The following LRRC36 variants were observed in gnomAD, a reference collection of about 807,000 sequenced individuals.
The protein encoded by LRRC36 is leucine rich repeat containing 36.
Under a neutral mutation model 81.1 loss-of-function variants are expected in LRRC36, and 62 were observed. The ratio of observed to expected loss-of-function variants is 0.76; its 90% CI spans 0.62 to 0.94. The LOEUF is 0.94. LRRC36 is among the 40% of genes least tolerant of loss of function. The pLI is 0.00. For missense variants in LRRC36, 761 were observed against 881.7 expected, an observed-to-expected ratio of 0.86 and a Z score of 1.73; for synonymous variants, 334 against 348.6, an observed-to-expected ratio of 0.96 and a Z score of 0.47.
At chr16:67,341,926 C>T (rs200822515) in intron 1 of LRRC36, 31 bp from the exon 2 acceptor site, 2 of 1,586,208 alleles carry the variant, frequency 1.3e-6, no homozygotes, top group Non-Finnish European at 1.7e-6. Flanking sequence ...GAGCAGGGAT[C>T]ATAATATATC....
chr16:67,363,742 G>A, intron 6 of LRRC36, 28 bp downstream of exon 6: 1 of 1,608,898 alleles, frequency 6.2e-7, no homozygotes, highest in Non-Finnish European at 8.5e-7. Flanking sequence ...CTGCTGATCT[G>A]TTGACTAGTC....
intron 9 of LRRC36, chr16:67,371,630 G>C (rs2039646084): frequency 3.6e-6 from 1 of 278,880 alleles, no homozygotes; most frequent in Admixed American, 4.5e-5. Flanking sequence ...CCAGCACTTT[G>C]GGAGGCTGAG....
intron 1 of LRRC36, among the ~76,000 whole-genome samples, chr16:67,338,042 C>T (rs1034414476): frequency 6.6e-6 from 1 of 151,656 alleles, no homozygotes; most frequent in Non-Finnish European, 1.5e-5. Flanking sequence ...TGAGATGGCA[C>T]CATTGCAGTC....
chr16:67,354,713 CAGA>C (rs1316389802), intron 5 of LRRC36, among the ~76,000 whole-genome samples: 1 of 152,168 alleles, frequency 6.6e-6, no homozygotes, highest in Non-Finnish European at 1.5e-5. Context: ...CATCCTGCCC[CAGA>C]GTGGTACATT....
chr16:67,361,164 A>G (rs1042560292), intron 5 of LRRC36, among the ~76,000 whole-genome samples: 1 of 151,996 alleles, frequency 6.6e-6, no homozygotes, highest in Non-Finnish European at 1.5e-5. Context: ...CAGCCTCCCA[A>G]ATAGCTGGGA....
Position 67,347,538 on chromosome 16 carries a change from G to A in LRRC36, c.435G>A (p.Leu145=). Residue 145 remains leucine (L), a synonymous_variant, in exon 4 of 14, where the codon CTG becomes CTA. Transcript: ENST00000329956. ...AAGGTGAGAGAAAAGCTGCCAAGCT[G>A]CATTTTAGTCAGTTGGGCAACAGTG... ...VREGERKAAK[L]HFSQLGNSEN... The A allele has an allele frequency of 2.5e-6, 4 of 1,613,134 alleles. No homozygotes were observed. The highest frequency in any genetic ancestry group is 3.4e-6 in the Non-Finnish European group (4 of 1,179,226).
chr16:67,352,971 G>A (rs2038726727), intron 5 of LRRC36, among the ~76,000 whole-genome samples: 2 of 152,060 alleles, frequency 1.3e-5, no homozygotes, highest in South Asian at 4.1e-4. Flanking sequence ...ATAGGCGTGA[G>A]CCACTGTGCC....
Position 67,326,873 on chromosome 16 carries a change from A to G in LRRC36, c.11A>G (p.Gln4Arg), listed in dbSNP as rs760720914. 2.1e-5 allele frequency: 31 copies of G among 1,443,964 alleles called. 1 individual carries two copies. The South Asian group carries it at 4.5e-4, about 21-fold the overall frequency. The allele number at this position is 1,443,964 out of a possible 1,614,324, so 89.4% of individuals were successfully genotyped here. The part of the protein sequence containing the change: MAE[Q>R]WELDEEGIRR... ...GAGCGGCGGGCGGGGATGGCGGAGC[A>G]ATGGGAGCTGGACGAGGAAGGCATT... Residue 4 changes from glutamine (Q) to arginine (R), a missense_variant, in exon 1 of 14, where the codon CAA becomes CGA. Around this residue, in one of 3 missense-constraint regions of LRRC36, gnomAD observed 263 missense variants for 279.3 expected, o/e 0.94. Coordinates refer to ENST00000329956, the MANE Select transcript of LRRC36 (RefSeq NM_018296.6).
intron 12 of LRRC36, among the ~76,000 whole-genome samples, chr16:67,380,304 T>G (rs1190916275): frequency 6.6e-6 from 1 of 152,182 alleles, no homozygotes; most frequent in African/African-American, 2.4e-5. Flanking sequence ...GAAAATTGTT[T>G]CAGTTTACTC....
At chr16:67,343,567 C>T (rs1041685309) in intron 2 of LRRC36, among the ~76,000 whole-genome samples, 6 of 151,374 alleles carry the variant, frequency 4.0e-5, no homozygotes, top group African/African-American at 7.3e-5. Flanking sequence ...TGGTGGCAGG[C>T]GCCTGTAGTC....
At chr16:67,381,987 C>T (rs1389230523) in intron 12 of LRRC36, 146 bp from the exon 13 acceptor site, 2 of 608,886 alleles carry the variant, frequency 3.3e-6, no homozygotes, top group Admixed American at 3.1e-5. Context: ...GCCACCATAT[C>T]TCCTATCTCC....
At chr16:67,361,260 G>A (rs1267587246) in intron 5 of LRRC36, among the ~76,000 whole-genome samples, 1 of 152,038 alleles carries the variant, frequency 6.6e-6, no homozygotes, top group East Asian at 1.9e-4. Context: ...TTGAACTCCT[G>A]GGCTCAAGTG....
intron 1 of LRRC36, among the ~76,000 whole-genome samples, chr16:67,337,672 T>C (rs1208362815): frequency 6.6e-6 from 1 of 152,188 alleles, no homozygotes; most frequent in Non-Finnish European, 1.5e-5. Flanking sequence ...ATTTTTATTA[T>C]TTCTTGAATT....
In LRRC36 at chr16:67,382,169, A is replaced by G. The variant is rs1053752377; in HGVS notation, c.1967A>G (p.Gln656Arg). 8.1e-6 allele frequency: 13 copies of G among 1,614,062 alleles called. No homozygotes were observed. The highest frequency in any genetic ancestry group is 1.1e-5 in the Non-Finnish European group (13 of 1,180,020). The part of the protein sequence containing the change: ...LLHKNQQLTM[Q>R]VACLNQELAQ... ...CACAAAAACCAACAGCTGACCATGCAGGTGGCTTGCCTGAACCAGGAGCTT... is the reference window on the plus strand; with the variant it reads ...CACAAAAACCAACAGCTGACCATGCGGGTGGCTTGCCTGAACCAGGAGCTT... The change falls in exon 13 of 14, where the codon CAG becomes CGG. Residue 656 changes from glutamine (Q) to arginine (R), a missense_variant. Physicochemically the swap from Gln to Arg is conservative, Grantham distance 43. Around this residue, in one of 3 missense-constraint regions of LRRC36, gnomAD observed 359 missense variants for 388.4 expected, o/e 0.92. Transcript: ENST00000329956.
At chr16:67,352,152 G>C (rs985824190) in intron 5 of LRRC36, among the ~76,000 whole-genome samples, 1 of 152,120 alleles carries the variant, frequency 6.6e-6, no homozygotes, top group African/African-American at 2.4e-5. Context: ...TTGCTAGAGG[G>C]CCCATTTCTA....
At chr16:67,332,578 TA>T (rs2037548865) in intron 1 of LRRC36, among the ~76,000 whole-genome samples, 1 of 152,076 alleles carries the variant, frequency 6.6e-6, no homozygotes, top group African/African-American at 2.4e-5. Flanking sequence ...AATAAATAAA[TA>T]AACACTGAAA....
At chr16:67,350,350 G>A (rs1417477882) in intron 5 of LRRC36, 60 bp downstream of exon 5, 1 of 1,316,500 alleles carries the variant, frequency 7.6e-7, no homozygotes, top group Non-Finnish European at 1.1e-6. Context: ...AGCTGCCATA[G>A]CCAATATTGG....
intron 13 of LRRC36, 45 bp from the exon 14 acceptor site, chr16:67,384,825 C>T: frequency 6.6e-7 from 1 of 1,522,436 alleles, no homozygotes; most frequent in Non-Finnish European, 9.1e-7. Flanking sequence ...TGGTATCTCT[C>T]TTGCTTTTAT....
chr16:67,350,464 A>G (rs771442101), intron 5 of LRRC36, among the ~76,000 whole-genome samples, 174 bp downstream of exon 5: 2 of 152,196 alleles, frequency 1.3e-5, no homozygotes, highest in Non-Finnish European at 2.9e-5. Flanking sequence ...GACCTTACAG[A>G]GCAGGCCTAA....
Sources: allele counts gnomAD v4.1 joint callset (sites outside exome capture counted in the v4.1 genomes callset), GRCh38; gene constraint gnomAD v4.1.1; regional missense constraint gnomAD v4.1.1; transcripts MANE v1.5; gene names NCBI Gene and HGNC (gene_info 2026-07-23, HGNC 2026-07-21).